DIAPH2: variants seen among roughly 807,000 people sequenced by gnomAD.
DIAPH2 encodes diaphanous related formin 2, also known as protein diaphanous homolog 2.
DIAPH2 carries 35 observed loss-of-function variants against 92.7 expected under a neutral mutation model. The observed-to-expected ratio is 0.38, with a 90% CI of 0.29 to 0.50. The LOEUF (loss-of-function observed/expected upper bound fraction) is 0.50. Among genes scored for constraint, DIAPH2 ranks in the 20% least tolerant of loss-of-function variants. DIAPH2 has a pLI of 0.94. For synonymous variants in DIAPH2, 301 were observed against 280.4 expected, an observed-to-expected ratio of 1.07 and a Z score of -0.73; for missense variants, 701 against 819.5, an observed-to-expected ratio of 0.86 and a Z score of 1.77.
At chrX:97,464,996 C>T (rs1305675288) in intron 26 of DIAPH2, among the ~76,000 whole-genome samples, 4 of 110,722 alleles carry the variant, frequency 3.6e-5, no homozygotes, top group African/African-American at 1.3e-4. Context: ...TACAGGCATG[C>T]ACCACCACGC....
At chrX:96,758,420 T>C (rs1365885262) in intron 4 of DIAPH2, among the ~76,000 whole-genome samples, 162 bp downstream of exon 4, 2 of 112,046 alleles carry the variant, frequency 1.8e-5, no homozygotes, top group Non-Finnish European at 3.8e-5. Flanking sequence ...ATTAAGTATA[T>C]ATTTTTAAAC....
chrX:97,436,009 G>C, intron 26 of DIAPH2, among the ~76,000 whole-genome samples: 1 of 110,314 alleles, frequency 9.1e-6, no homozygotes, highest in East Asian at 2.8e-4. Context: ...GTTTCACCGT[G>C]TTAGCCAGGA....
At chrX:97,529,327 T>A (rs762386776) in intron 26 of DIAPH2, among the ~76,000 whole-genome samples, 43 of 111,812 alleles carry the variant, frequency 3.8e-4, no homozygotes, top group Non-Finnish European at 7.0e-4. Context: ...AGAGTATGAT[T>A]ACTCTAAAGA....
intron 3 of DIAPH2, among the ~76,000 whole-genome samples, chrX:96,749,229 TA>T (rs1273381166): frequency 2.8e-5 from 3 of 107,398 alleles, no homozygotes; most frequent in Non-Finnish European, 5.8e-5. Context: ...GTACTAATAT[TA>T]ATATGTACAT....
intron 22 of DIAPH2, among the ~76,000 whole-genome samples, chrX:97,242,434 G>T (rs1232367069): frequency 2.7e-5 from 3 of 109,857 alleles, no homozygotes; most frequent in Non-Finnish European, 5.7e-5. Context: ...CACGATCTCG[G>T]CTCACTGCAA....
intron 20 of DIAPH2, among the ~76,000 whole-genome samples, chrX:97,109,101 A>G (rs2066961936): frequency 2.7e-5 from 3 of 111,599 alleles, no homozygotes; most frequent in African/African-American, 9.8e-5. Flanking sequence ...TAGAAACTCC[A>G]GGTAACTTGC....
chrX:97,322,198 G>A (rs934621601), intron 23 of DIAPH2, among the ~76,000 whole-genome samples: 2 of 112,013 alleles, frequency 1.8e-5, no homozygotes, highest in Non-Finnish European at 3.8e-5. Context: ...GACAATAAAG[G>A]CATACTTTTA....
chrX:97,301,741 C>T (rs2068707436), intron 23 of DIAPH2, among the ~76,000 whole-genome samples: 1 of 111,483 alleles, frequency 9.0e-6, no homozygotes, highest in Admixed American at 9.5e-5. Context: ...ATTACCTAGT[C>T]CCCATGCATT....
chrX:96,735,846 A>G (rs1405506371), intron 2 of DIAPH2, 56 bp downstream of exon 2: 16 of 632,020 alleles, frequency 2.5e-5, no homozygotes, highest in Non-Finnish European at 3.7e-5. Flanking sequence ...TTTTAATTAA[A>G]ATGGGTGGAC....
At chrX:96,969,557 A>C (rs760237285) in intron 17 of DIAPH2, among the ~76,000 whole-genome samples, 1 of 110,161 alleles carries the variant, frequency 9.1e-6, no homozygotes, top group Non-Finnish European at 1.9e-5. Flanking sequence ...AGTATGTAGA[A>C]ATGACACTAG....
intron 22 of DIAPH2, among the ~76,000 whole-genome samples, chrX:97,195,106 A>G (rs1438995401): frequency 3.6e-5 from 4 of 112,332 alleles, no homozygotes; most frequent in Non-Finnish European, 7.5e-5. Flanking sequence ...AGAAAACCTC[A>G]TGTAAATTTT....
intron 4 of DIAPH2, among the ~76,000 whole-genome samples, chrX:96,795,466 G>T (rs1286506185): frequency 9.0e-6 from 1 of 110,962 alleles, no homozygotes; most frequent in Non-Finnish European, 1.9e-5. Context: ...GATCAAGTCA[G>T]TTGGTAGTGA....
intron 4 of DIAPH2, among the ~76,000 whole-genome samples, chrX:96,874,842 A>G (rs2065168114): frequency 8.9e-6 from 1 of 112,051 alleles, no homozygotes. Context: ...TATGTCTTTC[A>G]TAACATAAGA....
At chrX:97,026,680 C>T (rs1445566258) in intron 17 of DIAPH2, among the ~76,000 whole-genome samples, 1 of 112,508 alleles carries the variant, frequency 8.9e-6, no homozygotes, top group Non-Finnish European at 1.9e-5. Context: ...TCCAGACTAT[C>T]AGACTTCCTG....
Position 96,962,382 on chromosome X carries a change from C to CATATATATATACATATATATATACAT in DIAPH2, c.1936-2702_1936-2701insTACATATATATATACATATATATATA, listed in dbSNP as rs1362470136. The stretch of plus-strand genomic sequence containing the variant: ...ATATATATACACATATATATATACA[C>CATATATATATACATATATATATACAT]ATATATATACACATATATATACACA... On this transcript the variant is annotated intron_variant, in intron 16 of 26. Transcript: ENST00000324765. Among the ~76,000 whole-genome samples the CATATATATATACATATATATATACAT allele has an allele frequency of 2.3e-4, 13 of 57,198 alleles. 2 individuals carry two copies. Among genetic ancestry groups the CATATATATATACATATATATATACAT allele is most frequent in the Admixed American group, 8.8e-4 (4 of 4,537 alleles). 49.7% of individuals were successfully genotyped at this position (57,198 alleles called of 115,157 possible).
intron 4 of DIAPH2, among the ~76,000 whole-genome samples, chrX:96,825,633 A>G (rs1569406250): frequency 9.0e-6 from 1 of 111,625 alleles, no homozygotes; most frequent in Non-Finnish European, 1.9e-5. Context: ...TTTAAGTTAT[A>G]CTTGAATGTT....
chrX:97,123,059 G>A (rs1011112728), intron 21 of DIAPH2, among the ~76,000 whole-genome samples: 1 of 111,884 alleles, frequency 8.9e-6, no homozygotes, highest in Non-Finnish European at 1.9e-5. Flanking sequence ...TTACGTTGAA[G>A]CAAGAATATT....
chrX:97,564,390 G>C (rs1215987466), intron 26 of DIAPH2: 3 of 112,324 alleles, frequency 2.7e-5, no homozygotes, highest in Non-Finnish European at 5.6e-5. Flanking sequence ...ATTTCTAGAG[G>C]CTGGGAAGTC....
chrX:97,485,062 G>C (rs917054134), intron 26 of DIAPH2, among the ~76,000 whole-genome samples: 2 of 111,713 alleles, frequency 1.8e-5, no homozygotes, highest in Non-Finnish European at 3.8e-5. Context: ...ACATCTGAAT[G>C]TGTAATTAAA....
Sources: allele counts gnomAD v4.1 joint callset (sites outside exome capture counted in the v4.1 genomes callset), GRCh38; gene constraint gnomAD v4.1.1; transcripts MANE v1.5; gene names NCBI Gene and HGNC (gene_info 2026-07-23, HGNC 2026-07-21).